SCFD2: variants seen among roughly 807,000 people sequenced by gnomAD.
The protein encoded by SCFD2 is sec1 family domain-containing protein 2.
In SCFD2, 54 loss-of-function variants were observed where a neutral mutation model predicts 58.9. That is an observed-to-expected ratio of 0.92 (90% CI 0.74 to 1.15). The LOEUF (loss-of-function observed/expected upper bound fraction) is 1.15, where lower values mean the gene tolerates loss of function less well. Ranked by LOEUF, SCFD2 falls within the 50% of genes most tolerant of loss-of-function variation. SCFD2 has a pLI of 0.00. For missense variants in SCFD2, 805 were observed against 836.6 expected, an observed-to-expected ratio of 0.96 and a Z score of 0.47; for synonymous variants, 321 against 335.9, an observed-to-expected ratio of 0.96 and a Z score of 0.49.
chr4:53,238,754 C>G (rs1238528670), intron 4 of SCFD2, among the ~76,000 whole-genome samples: 5 of 150,066 alleles, frequency 3.3e-5, no homozygotes, highest in African/African-American at 4.9e-5. Context: ...CCCCACATCT[C>G]AGACGATGGG....
chr4:53,078,203 G>A, intron 5 of SCFD2, among the ~76,000 whole-genome samples: 1 of 152,102 alleles, frequency 6.6e-6, no homozygotes, highest in East Asian at 1.9e-4. Flanking sequence ...GGGAAGTGAA[G>A]TACTCGCCTA....
At chr4:53,171,433 A>G (rs1429527090) in intron 4 of SCFD2, among the ~76,000 whole-genome samples, 1 of 152,202 alleles carries the variant, frequency 6.6e-6, no homozygotes, top group African/African-American at 2.4e-5. Flanking sequence ...CATTTTGTTA[A>G]GAATGATTGT....
At chr4:53,157,626 C>G (rs1384877124) in intron 4 of SCFD2, among the ~76,000 whole-genome samples, 2 of 151,432 alleles carry the variant, frequency 1.3e-5, no homozygotes, top group African/African-American at 4.8e-5. Context: ...TTTTTTTGTT[C>G]TGGAAATATG....
intron 4 of SCFD2, among the ~76,000 whole-genome samples, chr4:53,148,228 A>C (rs894958655): frequency 1.3e-5 from 2 of 152,206 alleles, no homozygotes; most frequent in Admixed American, 1.3e-4. Context: ...CATCATCATG[A>C]TCATTTGTAA....
At chr4:53,115,453 T>C (rs1725293353) in intron 5 of SCFD2, among the ~76,000 whole-genome samples, 1 of 152,142 alleles carries the variant, frequency 6.6e-6, no homozygotes, top group Non-Finnish European at 1.5e-5. Context: ...AAATTTGCTT[T>C]CATCTTGAGT....
At position 53,012,836 on chromosome 4, in the gene SCFD2, G is replaced by GTTTT. The variant is rs3987774; in HGVS notation, c.1562-91970_1562-91967dup. Among the ~76,000 whole-genome samples, 869 of 145,078 alleles carry GTTTT rather than the reference G, an allele frequency of 6.0e-3. 9 individuals are homozygous for GTTTT. Among genetic ancestry groups the GTTTT allele is most frequent in the East Asian group, 0.018 (92 of 5,008 alleles). ...TTTCTGTGTGTGTGTGTGTGTGTGTGTTTTTTTTTAAGAGAGAGAAAGCTA... is the reference window on the plus strand; with the variant it reads ...TTTCTGTGTGTGTGTGTGTGTGTGTGTTTTTTTTTTTTTAAGAGAGAGAAAGCTA... On this transcript the variant is annotated intron_variant, in intron 5 of 8. Coordinates refer to ENST00000401642, the MANE Select transcript of SCFD2 (RefSeq NM_152540.4).
intron 5 of SCFD2, among the ~76,000 whole-genome samples, chr4:53,126,254 G>A (rs1231181190): frequency 1.3e-5 from 2 of 152,180 alleles, no homozygotes; most frequent in Non-Finnish European, 2.9e-5. Context: ...GAAAGGAGAG[G>A]AGAGAAAGAA....
chr4:52,897,431 T>C (rs1719051782), intron 7 of SCFD2, among the ~76,000 whole-genome samples: 2 of 152,248 alleles, frequency 1.3e-5, no homozygotes, highest in Non-Finnish European at 2.9e-5. Context: ...GTTTTTGTCT[T>C]TGGTTCTGTT....
At chr4:53,305,864 A>G (rs1560439435) in intron 3 of SCFD2, among the ~76,000 whole-genome samples, 1 of 152,220 alleles carries the variant, frequency 6.6e-6, no homozygotes, top group Non-Finnish European at 1.5e-5. Flanking sequence ...AATCAGTGTC[A>G]CTCTTGGATT....
At chr4:53,334,128 T>C (rs1733595868) in intron 2 of SCFD2, among the ~76,000 whole-genome samples, 1 of 151,994 alleles carries the variant, frequency 6.6e-6, no homozygotes, top group East Asian at 1.9e-4. Flanking sequence ...TGTGGAGAAA[T>C]AGGAACACTT....
intron 5 of SCFD2, among the ~76,000 whole-genome samples, chr4:52,999,040 T>C (rs1367828019): frequency 6.6e-6 from 1 of 152,322 alleles, no homozygotes; most frequent in Middle Eastern, 3.4e-3. Flanking sequence ...CAGGGCATTT[T>C]GAATTAGCAA....
intron 5 of SCFD2, among the ~76,000 whole-genome samples, chr4:53,087,697 T>C (rs1417220625): frequency 3.4e-5 from 5 of 145,056 alleles, no homozygotes; most frequent in African/African-American, 1.3e-4. Flanking sequence ...TCTCGCTGTG[T>C]CCCCCAGGCT....
intron 4 of SCFD2, among the ~76,000 whole-genome samples, chr4:53,150,974 C>T (rs780254916): frequency 1.9e-4 from 29 of 152,240 alleles, no homozygotes; most frequent in African/African-American, 5.3e-4. Flanking sequence ...GAAGTTGTAA[C>T]GTCAGAAGTG....
chr4:52,972,096 A>G (rs1721118691), intron 5 of SCFD2, among the ~76,000 whole-genome samples: 1 of 152,228 alleles, frequency 6.6e-6, no homozygotes, highest in African/African-American at 2.4e-5. Flanking sequence ...GGCTAGGAAG[A>G]AACTGCATCA....
At chr4:53,246,079 T>C (rs1730060803) in intron 4 of SCFD2, among the ~76,000 whole-genome samples, 1 of 152,038 alleles carries the variant, frequency 6.6e-6, no homozygotes, top group Non-Finnish European at 1.5e-5. Flanking sequence ...AAATCAGAAA[T>C]GTAATCCCAT....
chr4:53,299,255 C>G (rs906289511), intron 3 of SCFD2, among the ~76,000 whole-genome samples: 1 of 152,090 alleles, frequency 6.6e-6, no homozygotes, highest in African/African-American at 2.4e-5. Context: ...CTTAAAGGAC[C>G]TGATGGAGCT....
chr4:53,131,945 G>T (rs1472836620), intron 5 of SCFD2, among the ~76,000 whole-genome samples: 1 of 152,138 alleles, frequency 6.6e-6, no homozygotes. Context: ...AATTATTACT[G>T]CCAGCATTGT....
rs1009984073 is a variant in SCFD2 at position 52,995,611 on chromosome 4, C to G, written c.1562-74741G>C. On this transcript the variant is annotated intron_variant, in intron 5 of 8. Coordinates refer to ENST00000401642, the MANE Select transcript of SCFD2 (RefSeq NM_152540.4). ...TATGGATAATCCAAAAGCTTTCAAT[C>G]TCCTTTCATGTCTTTCACAATAAAC... Among the ~76,000 whole-genome samples, 47 of 152,242 alleles carry G rather than the reference C, an allele frequency of 3.1e-4. 1 individual carries two copies. Among genetic ancestry groups the G allele is most frequent in the African/African-American group, 1.1e-3 (44 of 41,458 alleles).
At chr4:52,984,400 G>A (rs1409719964) in intron 5 of SCFD2, among the ~76,000 whole-genome samples, 2 of 152,110 alleles carry the variant, frequency 1.3e-5, no homozygotes, top group Admixed American at 6.5e-5. Flanking sequence ...ATTGTCAAGG[G>A]TGTTCTATCA....
Sources: allele counts gnomAD v4.1 joint callset (sites outside exome capture counted in the v4.1 genomes callset), GRCh38; gene constraint gnomAD v4.1.1; transcripts MANE v1.5; gene names NCBI Gene and HGNC (gene_info 2026-07-23, HGNC 2026-07-21).